Variants in IL1RAPL1 observed in about 807,000 individuals in gnomAD.
The protein encoded by IL1RAPL1 is interleukin-1 receptor accessory protein-like 1.
Under a neutral mutation model 48.4 loss-of-function variants are expected in IL1RAPL1, and 3 were observed. That is an observed-to-expected ratio of 0.06 (90% CI 0.03 to 0.16). The LOEUF is 0.16. Ranked by LOEUF, IL1RAPL1 falls within the 10% of genes least tolerant of loss-of-function variation. The pLI is 1.00. For synonymous variants in IL1RAPL1, 185 were observed against 187.7 expected, an observed-to-expected ratio of 0.99 and a Z score of 0.12; for missense variants, 349 against 530.6, an observed-to-expected ratio of 0.66 and a Z score of 3.36.
At chrX:28,999,164 A>G (rs931815342) in intron 2 of IL1RAPL1, among the ~76,000 whole-genome samples, 1 of 110,915 alleles carries the variant, frequency 9.0e-6, no homozygotes, top group Non-Finnish European at 1.9e-5. Flanking sequence ...CTCATGTCCC[A>G]TAGTCTCAAC....
chrX:28,899,037 T>G (rs1923005551), intron 2 of IL1RAPL1, among the ~76,000 whole-genome samples: 1 of 111,546 alleles, frequency 9.0e-6, no homozygotes, highest in Non-Finnish European at 1.9e-5. Context: ...GACTCACAGT[T>G]CAGCCTGTCT....
intron 5 of IL1RAPL1, among the ~76,000 whole-genome samples, chrX:29,557,703 C>T (rs1322995882): frequency 9.0e-6 from 1 of 111,548 alleles, no homozygotes; most frequent in Non-Finnish European, 1.9e-5. Context: ...TGGTAACCTC[C>T]ATTCTACTTT....
chrX:29,044,061 T>C (rs773287050), intron 2 of IL1RAPL1, among the ~76,000 whole-genome samples: 1 of 112,235 alleles, frequency 8.9e-6, no homozygotes, highest in Non-Finnish European at 1.9e-5. Context: ...GGATTTTTAT[T>C]ACAATAACAA....
intron 1 of IL1RAPL1, among the ~76,000 whole-genome samples, chrX:28,732,188 G>A (rs1935763343): frequency 8.9e-6 from 1 of 112,468 alleles, no homozygotes; most frequent in Non-Finnish European, 1.9e-5. Context: ...GACTAAACAA[G>A]AAGTTGTAAT....
At chrX:28,904,663 C>T (rs1569197084) in intron 2 of IL1RAPL1, among the ~76,000 whole-genome samples, 1 of 112,017 alleles carries the variant, frequency 8.9e-6, no homozygotes, top group Non-Finnish European at 1.9e-5. Flanking sequence ...TCAAGCCTTA[C>T]AATTTCTACA....
chrX:29,803,493 A>G (rs1315900452), intron 6 of IL1RAPL1, among the ~76,000 whole-genome samples: 3 of 97,083 alleles, frequency 3.1e-5, no homozygotes, highest in East Asian at 3.2e-4. Context: ...GTATACATCT[A>G]TGTATACATA....
At chrX:29,257,267 T>G (rs1931772859) in intron 2 of IL1RAPL1, among the ~76,000 whole-genome samples, 1 of 111,618 alleles carries the variant, frequency 9.0e-6, no homozygotes, top group Non-Finnish European at 1.9e-5. Context: ...TAAGTAATTT[T>G]TTTTTGCCAA....
At position 29,146,161 on chromosome X, in the gene IL1RAPL1, C is replaced by T. The variant is rs752470719; in HGVS notation, c.83-136777C>T. Reference sequence around the variant, plus strand: ...CTTGACCTGGCCTGACCTCATCTACCGCTACCTTTCCCTCTTGCTCACTCT... The same window carrying T: ...CTTGACCTGGCCTGACCTCATCTACTGCTACCTTTCCCTCTTGCTCACTCT... On this transcript the variant is annotated intron_variant, in intron 2 of 10. Transcript: ENST00000378993. Among the ~76,000 whole-genome samples, 8 of 111,890 alleles carry T rather than the reference C, an allele frequency of 7.1e-5. No homozygotes were observed. The South Asian group carries it at 1.1e-3, about 16-fold the overall frequency.
At chrX:29,480,009 C>CG (rs1314684440) in intron 5 of IL1RAPL1, among the ~76,000 whole-genome samples, 1 of 106,390 alleles carries the variant, frequency 9.4e-6, no homozygotes, top group Admixed American at 1.0e-4. Flanking sequence ...CATATAATGA[C>CG]TTTTTTTTTT....
At chrX:28,636,990 C>T (rs1027167341) in intron 1 of IL1RAPL1, among the ~76,000 whole-genome samples, 5 of 111,320 alleles carry the variant, frequency 4.5e-5, no homozygotes, top group African/African-American at 1.6e-4. Flanking sequence ...TCAACAGTGG[C>T]ATAAGGATCC....
At chrX:29,555,930 T>C (rs750899121) in intron 5 of IL1RAPL1, among the ~76,000 whole-genome samples, 1 of 112,482 alleles carries the variant, frequency 8.9e-6, no homozygotes, top group African/African-American at 3.2e-5. Context: ...GTAAGCACAG[T>C]GTCTTCCTTA....
intron 5 of IL1RAPL1, among the ~76,000 whole-genome samples, chrX:29,519,875 A>C (rs933545361): frequency 4.5e-5 from 5 of 111,804 alleles, no homozygotes; most frequent in Non-Finnish European, 7.5e-5. Flanking sequence ...GGTTGCTCAC[A>C]GCAGTAACCT....
chrX:28,819,163 T>C (rs1399392565), intron 2 of IL1RAPL1, among the ~76,000 whole-genome samples: 2 of 110,937 alleles, frequency 1.8e-5, no homozygotes, highest in Non-Finnish European at 3.8e-5. Context: ...TCTGATATTA[T>C]ACTATAAAAA....
At chrX:29,783,570 T>C (rs7473374) in intron 6 of IL1RAPL1, among the ~76,000 whole-genome samples, 3,373 of 111,833 alleles carry the variant, frequency 0.03, 128 homozygotes, top group African/African-American at 0.11. Context: ...GAAGAAATCA[T>C]GCCAAAATCA....
At chrX:28,802,179 C>G (rs1166837638) in intron 2 of IL1RAPL1, among the ~76,000 whole-genome samples, 1 of 112,126 alleles carries the variant, frequency 8.9e-6, no homozygotes. Context: ...AAATAGCACA[C>G]AGTATATCAT....
chrX:29,495,707 C>T (rs991679195), intron 5 of IL1RAPL1, among the ~76,000 whole-genome samples: 2 of 111,949 alleles, frequency 1.8e-5, no homozygotes, highest in South Asian at 3.7e-4. Context: ...TTAGAGCCCT[C>T]GGCCAGGTTC....
intron 6 of IL1RAPL1, among the ~76,000 whole-genome samples, chrX:29,709,318 T>C (rs1212854025): frequency 8.9e-6 from 1 of 111,964 alleles, no homozygotes; most frequent in African/African-American, 3.2e-5. Context: ...GAGTTATGTA[T>C]ATGGTGTGAC....
chrX:28,640,428 C>G (rs1428932622), intron 1 of IL1RAPL1, among the ~76,000 whole-genome samples: 1 of 110,634 alleles, frequency 9.0e-6, no homozygotes, highest in East Asian at 2.9e-4. Context: ...TCATTGCAAC[C>G]TCTGCCCCCC....
At chrX:29,429,421 A>C (rs1221446864) in intron 5 of IL1RAPL1, among the ~76,000 whole-genome samples, 3 of 112,122 alleles carry the variant, frequency 2.7e-5, no homozygotes, top group African/African-American at 9.7e-5. Flanking sequence ...ATTTGAGAAA[A>C]ACCTTGTTAA....
Sources: gnomAD v4.1 joint callset for allele counts (sites outside exome capture counted in the v4.1 genomes callset) on GRCh38, gnomAD v4.1.1 for gene constraint, MANE v1.5 for transcripts, NCBI Gene and HGNC (gene_info 2026-07-23, HGNC 2026-07-21) for gene names.